ZNF528: variants seen among roughly 807,000 people sequenced by gnomAD.
ZNF528 encodes the protein zinc finger protein 528.
A neutral mutation model predicts 13.3 loss-of-function variants in ZNF528; 9 were observed. The observed-to-expected ratio is 0.67, with a 90% confidence interval of 0.41 to 1.18. ZNF528 has a LOEUF of 1.18. Ranked by LOEUF, ZNF528 falls within the 50% of genes most tolerant of loss-of-function variation. The pLI, the probability that ZNF528 is intolerant of heterozygous loss-of-function variation, is 0.01. For missense variants in ZNF528, 858 were observed against 745.4 expected (o/e 1.15, Z -1.76); for synonymous variants, 264 against 254.3 (o/e 1.04, Z -0.36).
At chr19:52,407,635 G>T (rs1444868263) in intron 6 of ZNF528, among the ~76,000 whole-genome samples, 1 of 151,988 alleles carries the variant, frequency 6.6e-6, no homozygotes, top group Non-Finnish European at 1.5e-5. Context: ...AATCAACTGG[G>T]TGTAGTGGCA....
chr19:52,408,756 G>A (rs555789899), intron 6 of ZNF528, among the ~76,000 whole-genome samples: 76 of 151,816 alleles, frequency 5.0e-4, no homozygotes, highest in African/African-American at 1.7e-3. Flanking sequence ...TAGGAGAAAC[G>A]GGGTTTCACC....
chr19:52,412,377 T>G (rs1048806187), intron 6 of ZNF528: 3 of 152,196 alleles, frequency 2.0e-5, no homozygotes, highest in African/African-American at 7.2e-5. Flanking sequence ...GTTCCATGTA[T>G]CCTCTTGGTA....
In ZNF528 at chr19:52,414,730, T is replaced by C. The variant is rs111409286; in HGVS notation, c.272-394T>C. 3.1e-3 allele frequency: 1,176 copies of C among 385,262 alleles called. 10 individuals carry two copies. The highest frequency in any genetic ancestry group is 0.023 in the African/African-American group (1,115 of 48,078). 23.9% of individuals were successfully genotyped at this position (385,262 alleles called of 1,614,324 possible). ...CACATCTCTTGGGCCTTCAGCTTCC[T>C]ACATGTGGGAACACTCAGTCCTTTT... is the stretch of plus-strand genomic sequence containing the variant. On this transcript the variant is annotated intron_variant, in intron 6 of 6. Coordinates refer to ENST00000360465, the MANE Select transcript of ZNF528 (RefSeq NM_032423.3).
chr19:52,401,148 C>A (rs1242660033), intron 2 of ZNF528, among the ~76,000 whole-genome samples: 3 of 151,984 alleles, frequency 2.0e-5, no homozygotes, highest in African/African-American at 7.3e-5. Flanking sequence ...CCACCCCTCT[C>A]CCCTGAATTC....
chr19:52,414,275 A>G (rs1428300725), intron 6 of ZNF528: 1 of 702,480 alleles, frequency 1.4e-6, no homozygotes, highest in Non-Finnish European at 2.6e-6. Context: ...CTTGTCCGAC[A>G]TCCTCGGAGT....
intron 6 of ZNF528, among the ~76,000 whole-genome samples, chr19:52,409,034 G>A (rs921376721): frequency 2.6e-5 from 4 of 152,130 alleles, no homozygotes; most frequent in Non-Finnish European, 5.9e-5. Context: ...TTTTGCAGGT[G>A]AGTTTTGCTA....
At chr19:52,414,765 T>A (rs1436501988) in intron 6 of ZNF528, 2 of 415,494 alleles carry the variant, frequency 4.8e-6, no homozygotes. Flanking sequence ...TCTGGGGATG[T>A]GTTTCTTCTG....
intron 5 of ZNF528, among the ~76,000 whole-genome samples, 187 bp downstream of exon 5, chr19:52,406,220 C>A (rs2058854262): frequency 6.6e-6 from 1 of 152,132 alleles, no homozygotes; most frequent in Admixed American, 6.5e-5. Flanking sequence ...CTCCTCCCTC[C>A]ACAATTCATG....
At chr19:52,410,262 G>A (rs947439926) in intron 6 of ZNF528, among the ~76,000 whole-genome samples, 23 of 152,162 alleles carry the variant, frequency 1.5e-4, no homozygotes, top group African/African-American at 5.3e-4. Flanking sequence ...TGGAAGAAAG[G>A]GTCAGGGGGC....
intron 6 of ZNF528, 127 bp from the exon 7 acceptor site, chr19:52,414,997 G>T (rs963604652): frequency 6.4e-7 from 1 of 1,551,572 alleles, no homozygotes; most frequent in Admixed American, 1.9e-5. Flanking sequence ...CTGCCAGCAT[G>T]ATACACACAA....
In ZNF528 at chr19:52,406,547, A is replaced by G. The variant is rs772878489; in HGVS notation, c.175A>G (p.Met59Val). ...ICLPDLSVTS[M>V]LEQKRDPWTL... is the part of the protein sequence containing the mutation. ...TCTTCCTGACCTGAGTGTTACCTCC[A>G]TGTTAGAGCAAAAGAGAGATCCCTG... is the stretch of plus-strand genomic sequence containing the variant. Residue 59 changes from methionine (M) to valine (V), a missense_variant, in exon 6 of 7, where the codon ATG (methionine) becomes GTG (valine). Transcript: ENST00000360465. 1 of 1,614,094 alleles carries G rather than the reference A, an allele frequency of 6.2e-7. No homozygotes were observed. Among genetic ancestry groups the G allele is most frequent in the Admixed American group, 1.7e-5 (1 of 59,994 alleles).
rs189020251 is a variant in ZNF528, at chr19:52,401,476, T to C, written c.-136-209T>C. On this transcript the variant is annotated intron_variant, in intron 2 of 6. Transcript: ENST00000360465. ...GTGTAGGAGAAAATATTTGAAGAGC[T>C]CAGCCCTGCCTGATCTGCTTCCCCA... Among the ~76,000 whole-genome samples, 352 of 152,280 alleles carry C rather than the reference T, an allele frequency of 2.3e-3. 1 individual carries two copies. The highest frequency in any genetic ancestry group is 4.1e-3 in the Admixed American group (62 of 15,294).
intron 5 of ZNF528, 116 bp from the exon 6 acceptor site, chr19:52,406,399 A>G: frequency 7.0e-7 from 1 of 1,432,778 alleles, no homozygotes; most frequent in Non-Finnish European, 9.3e-7. Flanking sequence ...CAGTCAGTAG[A>G]TGAATTTGTG....
Position 52,405,718 on chromosome 19 carries a change from C to G in ZNF528, c.16-189C>G, listed in dbSNP as rs117485820. Among the ~76,000 whole-genome samples, 1,107 of 151,968 alleles carry G rather than the reference C, an allele frequency of 7.3e-3. 16 individuals carry two copies. The highest frequency in any genetic ancestry group is 0.038 in the Middle Eastern group (11 of 292). On this transcript the variant is annotated intron_variant, in intron 4 of 6. Coordinates refer to ENST00000360465, the MANE Select transcript of ZNF528 (RefSeq NM_032423.3). ...ACATCTACACTGATTTAAGGAATGT[C>G]TTAACTTCTTATGGAGAAATATAAT...
chr19:52,416,157 G>C lies in ZNF528; in HGVS notation c.1305G>C (p.Lys435Asn), dbSNP rs780275929. 2.9e-5 allele frequency: 46 copies of C among 1,613,902 alleles called. No homozygotes were observed. The highest frequency in any genetic ancestry group is 3.9e-5 in the Non-Finnish European group (46 of 1,180,010). ...ATCGAAAAACTCATACTGATGAGAA[G>C]CCTTACAAATGTAATAAATGTGGCA... ...IRHRKTHTDE[K>N]PYKCNKCGTA... Residue 435 changes from lysine to asparagine, a missense_variant, in exon 7 of 7, where the codon AAG becomes AAC. Transcript: ENST00000360465.
At chr19:52,409,586 C>G (rs1276523936) in intron 6 of ZNF528, among the ~76,000 whole-genome samples, 1 of 151,988 alleles carries the variant, frequency 6.6e-6, no homozygotes, top group Non-Finnish European at 1.5e-5. Context: ...CTGCCTTTTT[C>G]TAGGTTGGGT....
chr19:52,405,844 C>T, intron 4 of ZNF528, 63 bp from the exon 5 acceptor site: 3 of 1,588,970 alleles, frequency 1.9e-6, no homozygotes, highest in South Asian at 2.2e-5. Context: ...ACTGTCTTCC[C>T]ATTCTTTGTG....
chr19:52,399,994 G>A (rs1221539699), intron 2 of ZNF528, among the ~76,000 whole-genome samples: 1 of 152,034 alleles, frequency 6.6e-6, no homozygotes, highest in African/African-American at 2.4e-5. Flanking sequence ...AACAGTAAGG[G>A]GAAGAATTTT....
At chr19:52,414,878 G>C in intron 6 of ZNF528, 1 of 1,372,316 alleles carries the variant, frequency 7.3e-7, no homozygotes, top group Non-Finnish European at 9.8e-7. Context: ...TTCAGTCTCT[G>C]TTGTATTTCT....
Sources: allele counts gnomAD v4.1 joint callset (sites outside exome capture counted in the v4.1 genomes callset), GRCh38; gene constraint gnomAD v4.1.1; transcripts MANE v1.5; gene names NCBI Gene and HGNC (gene_info 2026-07-23, HGNC 2026-07-21).